The following PRMT3 variants were observed in gnomAD, a reference collection of about 807,000 sequenced individuals.
The protein encoded by PRMT3 is protein arginine methyltransferase 3.
A neutral mutation model predicts 71.9 loss-of-function variants in PRMT3; 62 were observed. The ratio of observed to expected loss-of-function variants is 0.86; its 90% CI spans 0.70 to 1.07. The LOEUF is 1.07. Ranked by LOEUF, PRMT3 falls within the 50% of genes least tolerant of loss-of-function variation. The pLI, the probability that PRMT3 is intolerant of heterozygous loss-of-function variation, is 0.00. For synonymous variants in PRMT3, 213 were observed against 220.4 expected (o/e 0.97, Z 0.30); for missense variants, 663 against 643.0 (o/e 1.03, Z -0.34).
Position 20,388,072 on chromosome 11 carries a change from G to C in PRMT3, c.82G>C (p.Gly28Arg). The change falls in exon 2 of 16, where the codon GGG (glycine) becomes CGG (arginine). Residue 28 changes from glycine (G) to arginine (R), a missense_variant. Coordinates refer to ENST00000331079, the MANE Select transcript of PRMT3 (RefSeq NM_005788.4). ...EEDLPELSDS[G>R]DEAAWEDEDD... is the part of the protein sequence containing the mutation. Reference sequence around the variant, plus strand: ...GGACCTGCCAGAACTGTCGGACAGCGGGGACGAGGCCGCCTGGGAGGATGA... The same window carrying C: ...GGACCTGCCAGAACTGTCGGACAGCCGGGACGAGGCCGCCTGGGAGGATGA... 6 of 1,614,050 alleles carry C rather than the reference G, an allele frequency of 3.7e-6. No homozygotes were observed. Among genetic ancestry groups the C allele is most frequent in the South Asian group, 1.1e-5 (1 of 91,082 alleles).
At chr11:20,437,154 CTTTT>C (rs895561639) in intron 10 of PRMT3, among the ~76,000 whole-genome samples, 1 of 150,796 alleles carries the variant, frequency 6.6e-6, no homozygotes, top group Non-Finnish European at 1.5e-5. Flanking sequence ...GGTGTTTTCT[CTTTT>C]TTTTTCTTGG....
At chr11:20,484,258 T>C (rs1851017271) in intron 13 of PRMT3, among the ~76,000 whole-genome samples, 1 of 152,158 alleles carries the variant, frequency 6.6e-6, no homozygotes, top group Admixed American at 6.5e-5. Context: ...ATTATAAATA[T>C]AGTGAGTGTT....
At chr11:20,454,563 C>A (rs1307965148) in intron 11 of PRMT3, among the ~76,000 whole-genome samples, 1 of 152,092 alleles carries the variant, frequency 6.6e-6, no homozygotes, top group African/African-American at 2.4e-5. Flanking sequence ...TATTTGTTAA[C>A]AGAATCAAGA....
chr11:20,463,630 C>T (rs373328926), intron 12 of PRMT3, among the ~76,000 whole-genome samples: 2 of 150,476 alleles, frequency 1.3e-5, no homozygotes, highest in South Asian at 2.1e-4. Flanking sequence ...TTTTCCAGTC[C>T]TCCCACAAAC....
At chr11:20,489,966 A>C (rs1851169157) in intron 13 of PRMT3, among the ~76,000 whole-genome samples, 1 of 149,896 alleles carries the variant, frequency 6.7e-6, no homozygotes, top group Admixed American at 6.8e-5. Context: ...AAAAGAAAAA[A>C]AGGTAACACC....
intron 10 of PRMT3, among the ~76,000 whole-genome samples, chr11:20,444,926 C>T (rs966573121): frequency 7.2e-5 from 11 of 152,026 alleles, no homozygotes; most frequent in African/African-American, 2.4e-4. Context: ...TAGGTGCATA[C>T]ACATTAGGTT....
At chr11:20,435,725 G>T (rs993635808) in intron 10 of PRMT3, among the ~76,000 whole-genome samples, 4 of 152,134 alleles carry the variant, frequency 2.6e-5, no homozygotes, top group African/African-American at 4.8e-5. Flanking sequence ...CCAATATCAT[G>T]CTGTTTTGGT....
At chr11:20,437,582 G>A (rs1379027730) in intron 10 of PRMT3, among the ~76,000 whole-genome samples, 1 of 152,020 alleles carries the variant, frequency 6.6e-6, no homozygotes, top group Non-Finnish European at 1.5e-5. Flanking sequence ...GGTGGCAGCA[G>A]CATAGTTTTT....
At chr11:20,411,937 A>T (rs7479049) in intron 9 of PRMT3, among the ~76,000 whole-genome samples, 2 of 152,016 alleles carry the variant, frequency 1.3e-5, no homozygotes, top group Non-Finnish European at 2.9e-5. Context: ...AACAAATTGT[A>T]TCCACATAAG....
intron 13 of PRMT3, among the ~76,000 whole-genome samples, chr11:20,480,442 T>C (rs7935587): frequency 0.97 from 148,149 of 152,278 alleles, 72,387 homozygotes; most frequent in Middle Eastern, 1. Flanking sequence ...TTGATAGGTT[T>C]AAGGAGTTGA....
chr11:20,390,420 G>T (rs1252977033), intron 3 of PRMT3, among the ~76,000 whole-genome samples: 2 of 152,192 alleles, frequency 1.3e-5, no homozygotes, highest in Non-Finnish European at 2.9e-5. Context: ...TAGATTTAGG[G>T]AGAGCAAGTG....
At chr11:20,392,841 A>C in intron 4 of PRMT3, 56 bp from the exon 5 acceptor site, 1 of 1,118,912 alleles carries the variant, frequency 8.9e-7, no homozygotes, top group Non-Finnish European at 1.3e-6. Context: ...GTTTTTACTA[A>C]GGGGATTTTG....
intron 2 of PRMT3, 101 bp downstream of exon 2, chr11:20,388,255 C>A: frequency 1.3e-6 from 2 of 1,530,328 alleles, no homozygotes; most frequent in Non-Finnish European, 1.8e-6. Context: ...CCAGAGTGGC[C>A]TGTCTTTGAA....
chr11:20,507,797 C>T (rs1027686473), intron 15 of PRMT3, among the ~76,000 whole-genome samples: 3 of 140,942 alleles, frequency 2.1e-5, no homozygotes, highest in Non-Finnish European at 4.7e-5. Flanking sequence ...ATTAATGAAA[C>T]ATAATGCTGC....
At chr11:20,408,490 A>G (rs900658966) in intron 9 of PRMT3, among the ~76,000 whole-genome samples, 2 of 152,156 alleles carry the variant, frequency 1.3e-5, no homozygotes, top group African/African-American at 2.4e-5. Flanking sequence ...AATTAAGTAA[A>G]TTCCAAAGTT....
intron 13 of PRMT3, among the ~76,000 whole-genome samples, chr11:20,482,722 G>A (rs1047305399): frequency 2.0e-5 from 3 of 151,906 alleles, no homozygotes; most frequent in Non-Finnish European, 2.9e-5. Context: ...TATGAATATT[G>A]GCATTAAGAT....
At chr11:20,506,939 AG>A (rs1851604632) in intron 15 of PRMT3, among the ~76,000 whole-genome samples, 1 of 152,240 alleles carries the variant, frequency 6.6e-6, no homozygotes, top group Non-Finnish European at 1.5e-5. Flanking sequence ...GCCTTTGCAC[AG>A]GTAAGTAATT....
intron 11 of PRMT3, among the ~76,000 whole-genome samples, chr11:20,453,328 A>G (rs964695575): frequency 4.0e-5 from 6 of 151,560 alleles, no homozygotes; most frequent in Non-Finnish European, 8.8e-5. Flanking sequence ...TAAAAAAAAA[A>G]AAAAAAAAAA....
intron 10 of PRMT3, among the ~76,000 whole-genome samples, chr11:20,439,521 A>C (rs1849838215): frequency 6.6e-6 from 1 of 152,184 alleles, no homozygotes; most frequent in Non-Finnish European, 1.5e-5. Context: ...GAAAGGGGCA[A>C]GTGCTAGTGG....
Sources: allele counts gnomAD v4.1 joint callset (sites outside exome capture counted in the v4.1 genomes callset), GRCh38; gene constraint gnomAD v4.1.1; transcripts MANE v1.5; gene names NCBI Gene and HGNC (gene_info 2026-07-23, HGNC 2026-07-21).